Variants in CYP19A1 observed in about 807,000 individuals in gnomAD.
CYP19A1 encodes the protein aromatase.
A neutral mutation model predicts 44.4 loss-of-function variants in CYP19A1; 32 were observed. That is an observed-to-expected ratio of 0.72 (90% CI 0.54 to 0.97). The LOEUF is 0.97. CYP19A1 is among the 50% of genes least tolerant of loss of function. The probability of loss-of-function intolerance (pLI) is 0.00; values close to 1 mark genes in which losing one functional copy is unlikely to be tolerated. For synonymous variants in CYP19A1, 212 were observed against 215.6 expected (o/e 0.98, Z 0.14); for missense variants, 598 against 637.8 (o/e 0.94, Z 0.67).
intron 1 of CYP19A1, among the ~76,000 whole-genome samples, chr15:51,328,897 C>A (rs984604893): frequency 6.6e-6 from 1 of 152,204 alleles, no homozygotes; most frequent in Non-Finnish European, 1.5e-5. Context: ...TGCTGCCTGA[C>A]TGGCTTCAAG....
At chr15:51,284,268 A>T (rs568059307) in intron 1 of CYP19A1, among the ~76,000 whole-genome samples, 1 of 152,198 alleles carries the variant, frequency 6.6e-6, no homozygotes, top group Non-Finnish European at 1.5e-5. Context: ...TTGCATAGTG[A>T]CTATTTAGGG....
intron 1 of CYP19A1, among the ~76,000 whole-genome samples, chr15:51,255,921 T>C (rs1286788219): frequency 6.6e-6 from 1 of 152,202 alleles, no homozygotes; most frequent in African/African-American, 2.4e-5. Context: ...GTGGGAACTA[T>C]CCTGAAAATG....
At chr15:51,318,081 C>T (rs1175680216) in intron 1 of CYP19A1, among the ~76,000 whole-genome samples, 1 of 152,160 alleles carries the variant, frequency 6.6e-6, no homozygotes, top group Non-Finnish European at 1.5e-5. Context: ...CTCCCTGGGC[C>T]TCCTGTGTAG....
intron 1 of CYP19A1, among the ~76,000 whole-genome samples, chr15:51,303,944 C>T (rs975045576): frequency 1.3e-5 from 2 of 152,132 alleles, no homozygotes; most frequent in Non-Finnish European, 2.9e-5. Flanking sequence ...ATGCAGGATG[C>T]AGCAGGGTGT....
chr15:51,311,824 G>A (rs2036316788), intron 1 of CYP19A1, among the ~76,000 whole-genome samples: 1 of 152,090 alleles, frequency 6.6e-6, no homozygotes. Flanking sequence ...CATGTGTGAG[G>A]GCTGGAGAAA....
In CYP19A1 at chr15:51,218,652, C is replaced by A. The variant is rs755069519; in HGVS notation, c.632G>T (p.Ser211Ile). The change falls in exon 6 of 10, where the codon AGT becomes ATT. Residue 211 changes from serine (S) to isoleucine (I), a missense_variant. By Grantham distance (142) the Ser-to-Ile change is moderately radical. Transcript: ENST00000396402. The stretch of plus-strand genomic sequence containing the variant: ...ACCTTGGATTTTAACCACGATAGCA[C>A]TTTCTGTAGGAAAAAAAAACACACA... ...TLFLRIPLDESAIVVKIQGYF... is the reference protein window; with the variant it reads ...TLFLRIPLDEIAIVVKIQGYF... 6.2e-7 allele frequency: 1 copy of A among 1,611,812 alleles called. No homozygotes were observed. Among genetic ancestry groups the A allele is most frequent in the Non-Finnish European group, 8.5e-7 (1 of 1,178,996 alleles).
chr15:51,230,152 G>C, intron 3 of CYP19A1, among the ~76,000 whole-genome samples: 1 of 152,216 alleles, frequency 6.6e-6, no homozygotes, highest in East Asian at 1.9e-4. Context: ...ACTAAAAGTA[G>C]GCTGGATTTA....
intron 1 of CYP19A1, among the ~76,000 whole-genome samples, chr15:51,283,003 T>C (rs2035578538): frequency 1.3e-5 from 2 of 152,134 alleles, no homozygotes; most frequent in South Asian, 4.1e-4. Context: ...GTTGGATGAA[T>C]GGGAGATAAT....
At chr15:51,267,355 C>T (rs34784350) in intron 1 of CYP19A1, among the ~76,000 whole-genome samples, 57,471 of 151,966 alleles carry the variant, frequency 0.38, 11,436 homozygotes, top group East Asian at 0.44. Flanking sequence ...GTTCAAAAAG[C>T]AGGAAAAAGC....
At chr15:51,334,354 A>G (rs11070843) in intron 1 of CYP19A1, among the ~76,000 whole-genome samples, 23,678 of 152,202 alleles carry the variant, frequency 0.16, 2,039 homozygotes, top group South Asian at 0.26. Flanking sequence ...TGAAATGCTT[A>G]TAAAACCTGC....
chr15:51,210,064 T>C lies in CYP19A1; in HGVS notation c.*744A>G, dbSNP rs964358303. On this transcript the variant is annotated 3_prime_UTR_variant, in exon 10 of 10. Transcript: ENST00000396402. ...CCCTAATAATACTTAACCCAGGCTA[T>C]TACTAAATTAGTTTGTATTACTTGA... is the stretch of plus-strand genomic sequence containing the variant. 1 of 230,096 alleles carries C rather than the reference T, an allele frequency of 4.3e-6. No individual in the cohort carries two copies. Among genetic ancestry groups the C allele is most frequent in the East Asian group, 1.3e-4 (1 of 7,928 alleles). 14.3% of individuals were successfully genotyped at this position (230,096 alleles called of 1,614,324 possible).
chr15:51,271,043 ATT>A (rs34447493), intron 1 of CYP19A1, among the ~76,000 whole-genome samples: 5 of 148,782 alleles, frequency 3.4e-5, no homozygotes, highest in East Asian at 2.0e-4. Flanking sequence ...AAGTCTAAGC[ATT>A]TTTTTTTTTT....
Position 51,215,734 on chromosome 15 carries a change from A to C in CYP19A1, c.827T>G (p.Met276Arg). 6.2e-7 allele frequency: 1 copy of C among 1,614,090 alleles called. No homozygotes were observed. Among genetic ancestry groups the C allele is most frequent in the East Asian group, 2.2e-5 (1 of 44,854 alleles). Reference protein sequence around the residue: ...ISTEEKLEECMDFATELILAE... With the variant: ...ISTEEKLEECRDFATELILAE... The stretch of plus-strand genomic sequence containing the variant: ...TAAAATCAACTCAGTGGCAAAGTCC[A>C]TACATTCTTCCAGTTTCTCTTCTGT... Residue 276 changes from methionine to arginine, a missense_variant, in exon 7 of 10, where the codon ATG (methionine) becomes AGG (arginine). By Grantham distance (91) the Met-to-Arg change is moderately conservative. Coordinates refer to ENST00000396402, the MANE Select transcript of CYP19A1 (RefSeq NM_000103.4).
At chr15:51,241,022 A>T (rs1260714652) in intron 2 of CYP19A1, among the ~76,000 whole-genome samples, 1 of 152,166 alleles carries the variant, frequency 6.6e-6, no homozygotes. Flanking sequence ...AGATTTTTTT[A>T]AAAATAGCAA....
intron 1 of CYP19A1, among the ~76,000 whole-genome samples, chr15:51,260,186 T>C (rs1308678993): frequency 6.6e-6 from 1 of 152,238 alleles, no homozygotes; most frequent in African/African-American, 2.4e-5. Context: ...CTCTAGGTGA[T>C]GATATACGAC....
intron 1 of CYP19A1, among the ~76,000 whole-genome samples, chr15:51,320,581 G>T (rs1415182079): frequency 6.6e-6 from 1 of 152,138 alleles, no homozygotes; most frequent in Non-Finnish European, 1.5e-5. Context: ...GCCCCAAGAG[G>T]CCCAAAAGCT....
chr15:51,212,354 G>T lies in CYP19A1; in HGVS notation c.1229C>A (p.Pro410His). The T allele has an allele frequency of 6.2e-7, 1 of 1,601,042 alleles. No individual in the cohort carries two copies. Among genetic ancestry groups the T allele is most frequent in the Non-Finnish European group, 8.6e-7 (1 of 1,168,046 alleles). ...RMHRLEFFPK[P>H]NEFTLENFAK... ...AAAATTTTCAAGAGTAAATTCATTG[G>T]GTTTGGGGAAAAACTCGAGTCTGTG... The change falls in exon 9 of 10, where the codon CCC becomes CAC. Residue 410 changes from proline (P) to histidine (H), a missense_variant. Transcript: ENST00000396402.
At chr15:51,328,585 T>TAC (rs2036651207) in intron 1 of CYP19A1, among the ~76,000 whole-genome samples, 1 of 149,756 alleles carries the variant, frequency 6.7e-6, no homozygotes, top group African/African-American at 2.5e-5. Context: ...TGTGTGTGTG[T>TAC]ACATGTGTGT....
chr15:51,308,606 C>T (rs554478603), intron 1 of CYP19A1, among the ~76,000 whole-genome samples: 44 of 152,112 alleles, frequency 2.9e-4, no homozygotes, highest in African/African-American at 1.0e-3. Context: ...GCTCACATGT[C>T]ACTTAGAAGA....
Sources: gnomAD v4.1 joint callset for allele counts (sites outside exome capture counted in the v4.1 genomes callset) on GRCh38, gnomAD v4.1.1 for gene constraint, MANE v1.5 for transcripts, NCBI Gene and HGNC (gene_info 2026-07-23, HGNC 2026-07-21) for gene names.